Variants in SZRD1 observed in about 807,000 individuals in gnomAD.
SZRD1 encodes the protein SUZ RNA-binding domain-containing.
A neutral mutation model predicts 17.6 loss-of-function variants in SZRD1; 7 were observed. That is an observed-to-expected ratio of 0.40 (90% CI 0.23 to 0.75). The LOEUF (loss-of-function observed/expected upper bound fraction) is 0.75. SZRD1 is among the 30% of genes least tolerant of loss of function. SZRD1 has a pLI of 0.38. For missense variants in SZRD1, 178 were observed against 201.8 expected, an observed-to-expected ratio of 0.88 and a Z score of 0.71; for synonymous variants, 77 against 77.9, an observed-to-expected ratio of 0.99 and a Z score of 0.06.
intron 1 of SZRD1, among the ~76,000 whole-genome samples, chr1:16,384,547 A>T (rs1489894093): frequency 6.6e-6 from 1 of 152,066 alleles, no homozygotes; most frequent in Non-Finnish European, 1.5e-5. Flanking sequence ...AATCCCATCC[A>T]TATTTGTGGT....
intron 1 of SZRD1, among the ~76,000 whole-genome samples, chr1:16,382,469 T>C (rs1167961480): frequency 1.3e-5 from 2 of 148,694 alleles, no homozygotes; most frequent in African/African-American, 2.5e-5. Flanking sequence ...ATTACAGGCA[T>C]GAACCACTGC....
chr1:16,390,420 C>G (rs1161127696), intron 1 of SZRD1: 2 of 152,268 alleles, frequency 1.3e-5, no homozygotes, highest in South Asian at 2.1e-4. Context: ...CCTGCCTGCT[C>G]CTCCTTCTCA....
intron 1 of SZRD1, among the ~76,000 whole-genome samples, chr1:16,377,960 C>T (rs572163686): frequency 6.6e-6 from 1 of 152,222 alleles, no homozygotes; most frequent in South Asian, 2.1e-4. Context: ...AATATACTCT[C>T]CTCCGAGAAT....
chr1:16,370,887 T>A (rs1191110182), intron 1 of SZRD1, among the ~76,000 whole-genome samples: 2 of 152,216 alleles, frequency 1.3e-5, no homozygotes, highest in Non-Finnish European at 2.9e-5. Context: ...CAAAGGTTCT[T>A]GTAAATATGC....
rs560355570 is a variant in SZRD1 at position 16,375,505 on chromosome 1, G to A, written c.51+8197G>A. Among the ~76,000 whole-genome samples the A allele has an allele frequency of 3.9e-5, 6 of 152,018 alleles. No individual in the cohort carries two copies. The East Asian group carries it at 9.7e-4, about 25-fold the overall frequency. On this transcript the variant is annotated intron_variant, in intron 1 of 3. Transcript: ENST00000401088. The stretch of plus-strand genomic sequence containing the variant: ...CATGTTTTGTATTTTAGTAGAGACG[G>A]GTTCACCATGTTGCCCAAGCTGGTC...
At position 16,391,223 on chromosome 1, in the gene SZRD1, A is replaced by G. The variant is rs1301984688; in HGVS notation, c.52-152A>G. On this transcript the variant is annotated intron_variant, in intron 1 of 3. Coordinates refer to ENST00000401088, the MANE Select transcript of SZRD1 (RefSeq NM_001114600.3). This position sits in a 1 kb window ranked among gnomAD's most constrained non-coding sequence, Gnocchi z 4.3. ...ACCTGCAGAGGGTATCAGGTCCCCAAACCCCAAAATCTAGTCCACATTTGT... is the reference window on the plus strand; with the variant it reads ...ACCTGCAGAGGGTATCAGGTCCCCAGACCCCAAAATCTAGTCCACATTTGT... Among the ~76,000 whole-genome samples, 3 of 152,170 alleles carry G rather than the reference A, an allele frequency of 2.0e-5. No homozygotes were observed. Among genetic ancestry groups the G allele is most frequent in the Non-Finnish European group, 4.4e-5 (3 of 68,026 alleles).
rs2085293915 is a variant in SZRD1 at position 16,395,374 on chromosome 1, C to T, written c.*234C>T. ...CACATCGACAAGGGCTGTCCCAAGT[C>T]AATGGAAAGGGAAAGGGTGGGGGTT... On this transcript the variant is annotated 3_prime_UTR_variant, in exon 4 of 4. Coordinates refer to ENST00000401088, the MANE Select transcript of SZRD1 (RefSeq NM_001114600.3). 4 of 531,290 alleles carry T rather than the reference C, an allele frequency of 7.5e-6. No individual in the cohort carries two copies. In the Admixed American group the frequency reaches 9.2e-5, roughly 12 times the overall value. The allele number at this position is 531,290 out of a possible 1,614,324, so 32.9% of individuals were successfully genotyped here.
chr1:16,379,206 G>A (rs548805059), intron 1 of SZRD1, among the ~76,000 whole-genome samples: 293 of 151,634 alleles, frequency 1.9e-3, no homozygotes, highest in African/African-American at 7.0e-3. Context: ...TGCAAGCTCC[G>A]CCTCTGGGAT....
intron 1 of SZRD1, among the ~76,000 whole-genome samples, chr1:16,373,149 G>A (rs1325834000): frequency 6.6e-6 from 1 of 151,864 alleles, no homozygotes; most frequent in Non-Finnish European, 1.5e-5. Flanking sequence ...ACAGAGGTAT[G>A]TAGGGGCCAG....
At chr1:16,387,288 A>G (rs1326040641) in intron 1 of SZRD1, 1 of 456,522 alleles carries the variant, frequency 2.2e-6, no homozygotes, top group Non-Finnish European at 4.4e-6. Context: ...CAGATGGTCC[A>G]TCTTCCTTAA....
intron 1 of SZRD1, among the ~76,000 whole-genome samples, chr1:16,374,280 G>C (rs986145512): frequency 1.3e-4 from 20 of 152,190 alleles, no homozygotes; most frequent in Non-Finnish European, 2.5e-4. Flanking sequence ...GTCCTCAGAA[G>C]GGGCTTTCTG....
Position 16,393,142 on chromosome 1 carries a change from A to G in SZRD1, c.102-86A>G. ...ATGGGTAGAATTAGGGAGGGAGAGG[A>G]AAGTGATGAGAGGTGGGTGTGGGAC... On this transcript the variant is annotated intron_variant, in intron 2 of 3. Transcript: ENST00000401088. The surrounding 1 kb of genome is among the most constrained non-coding windows in gnomAD (Gnocchi z 5.6). The G allele has an allele frequency of 1.3e-6, 2 of 1,519,098 alleles. No individual in the cohort carries two copies. Among genetic ancestry groups the G allele is most frequent in the Non-Finnish European group, 1.8e-6 (2 of 1,110,784 alleles). 94.1% of individuals were successfully genotyped at this position (1,519,098 alleles called of 1,614,324 possible).
At chr1:16,386,147 GC>G (rs151163850) in intron 1 of SZRD1, among the ~76,000 whole-genome samples, 1,662 of 152,352 alleles carry the variant, frequency 0.011, 32 homozygotes, top group African/African-American at 0.037. Context: ...TGGCTGAAGA[GC>G]CTTTCCAGGA....
intron 1 of SZRD1, chr1:16,390,539 C>G (rs922706059): frequency 6.6e-6 from 1 of 152,220 alleles, no homozygotes; most frequent in Non-Finnish European, 1.5e-5. Context: ...GGTGTCTTGT[C>G]TCTTCCTCAG....
At chr1:16,371,383 T>TCTCAC (rs2082909765) in intron 1 of SZRD1, among the ~76,000 whole-genome samples, 1 of 147,128 alleles carries the variant, frequency 6.8e-6, no homozygotes, top group African/African-American at 2.5e-5. Flanking sequence ...ATGTAGAATT[T>TCTCAC]CTCCCCTCCC....
At chr1:16,368,301 G>A (rs117090691) in intron 1 of SZRD1, among the ~76,000 whole-genome samples, 1 of 152,216 alleles carries the variant, frequency 6.6e-6, no homozygotes, top group East Asian at 1.9e-4. Flanking sequence ...GCGAGGAGTC[G>A]AGCGTACCAG....
Position 16,390,293 on chromosome 1 carries a change from G to A in SZRD1, c.52-1082G>A, listed in dbSNP as rs549032239. Among the ~76,000 whole-genome samples the A allele has an allele frequency of 2.1e-4, 32 of 152,284 alleles. 1 individual carries two copies. Among genetic ancestry groups the A allele is most frequent in the Admixed American group, 1.4e-3 (22 of 15,292 alleles). On this transcript the variant is annotated intron_variant, in intron 1 of 3. Coordinates refer to ENST00000401088, the MANE Select transcript of SZRD1 (RefSeq NM_001114600.3). ...GTCCTGGATATAGATGCTCACACGC[G>A]TGTGTGGAGGTGTCATAGGCATGCT...
intron 2 of SZRD1, among the ~76,000 whole-genome samples, chr1:16,392,491 C>T (rs576585885): frequency 6.6e-6 from 1 of 152,312 alleles, no homozygotes; most frequent in Admixed American, 6.5e-5. Flanking sequence ...ATGTACGCGT[C>T]CACCAGCCTT....
At chr1:16,389,829 A>G (rs1197339187) in intron 1 of SZRD1, among the ~76,000 whole-genome samples, 1 of 152,190 alleles carries the variant, frequency 6.6e-6, no homozygotes, top group African/African-American at 2.4e-5. Context: ...CCAAATTTCA[A>G]AGTCTCCACA....
Sources: gnomAD v4.1 joint callset for allele counts (sites outside exome capture counted in the v4.1 genomes callset) on GRCh38, gnomAD v4.1.1 for gene constraint, Gnocchi (gnomAD v3.1) non-coding constraint, MANE v1.5 for transcripts, NCBI Gene and HGNC (gene_info 2026-07-23, HGNC 2026-07-21) for gene names.